Variants in KAT2B observed in about 807,000 individuals in gnomAD.
KAT2B encodes histone acetyltransferase KAT2B.
KAT2B carries 36 observed loss-of-function variants against 105.9 expected under a neutral mutation model. The ratio of observed to expected loss-of-function variants is 0.34; its 90% confidence interval spans 0.26 to 0.45. KAT2B has a LOEUF of 0.45. Among genes scored for constraint, KAT2B ranks in the 20% least tolerant of loss-of-function variants. The pLI is 1.00. For synonymous variants in KAT2B, 397 were observed against 377.9 expected, an observed-to-expected ratio of 1.05 and a Z score of -0.59; for missense variants, 820 against 1,021.6, an observed-to-expected ratio of 0.80 and a Z score of 2.69.
chr3:20,146,607 A>C, intron 14 of KAT2B, 177 bp downstream of exon 14: 1 of 487,178 alleles, frequency 2.1e-6, no homozygotes, highest in South Asian at 2.8e-5. Context: ...CCTACCACCC[A>C]ATACAAACAA....
intron 13 of KAT2B, among the ~76,000 whole-genome samples, chr3:20,142,262 C>T (rs1159982843): frequency 3.9e-5 from 6 of 152,140 alleles, no homozygotes; most frequent in Admixed American, 1.3e-4. Flanking sequence ...TTTCTCCTCT[C>T]CTCCCCCTCT....
intron 1 of KAT2B, among the ~76,000 whole-genome samples, chr3:20,056,638 A>C (rs1203134161): frequency 6.6e-6 from 1 of 152,196 alleles, no homozygotes; most frequent in African/African-American, 2.4e-5. Context: ...GGTCAAAGAG[A>C]AACTGGGACA....
chr3:20,119,806 A>G, intron 8 of KAT2B, 83 bp downstream of exon 8: 1 of 1,445,902 alleles, frequency 6.9e-7, no homozygotes, highest in Non-Finnish European at 9.5e-7. Flanking sequence ...GGTAGACTTG[A>G]ACCAAGTACA....
chr3:20,064,611 C>T (rs1698193680), intron 1 of KAT2B, among the ~76,000 whole-genome samples: 1 of 152,310 alleles, frequency 6.6e-6, no homozygotes. Context: ...CCTGCCTGGA[C>T]ACATTTTGTG....
At chr3:20,093,872 C>T (rs1050071455) in intron 2 of KAT2B, among the ~76,000 whole-genome samples, 1 of 152,006 alleles carries the variant, frequency 6.6e-6, no homozygotes, top group African/African-American at 2.4e-5. Flanking sequence ...TGATTCCAGC[C>T]CAGAGAAGTT....
chr3:20,058,453 C>CAAAAAAAAAAAAAAAA (rs35239760), intron 1 of KAT2B, among the ~76,000 whole-genome samples: 1 of 74,550 alleles, frequency 1.3e-5, no homozygotes. Context: ...GACTCTGTCT[C>CAAAAAAAAAAAAAAAA]AAAAAAAAAA....
chr3:20,045,359 A>T (rs946551041), intron 1 of KAT2B, among the ~76,000 whole-genome samples: 1 of 70,252 alleles, frequency 1.4e-5, no homozygotes, highest in Admixed American at 1.5e-4. Context: ...TTATTTATTT[A>T]TTTATTTTAG....
intron 4 of KAT2B, among the ~76,000 whole-genome samples, chr3:20,100,799 A>G (rs1308540374): frequency 1.3e-5 from 2 of 152,192 alleles, no homozygotes; most frequent in Non-Finnish European, 2.9e-5. Flanking sequence ...AAGCTTATTG[A>G]CTTCAAACAA....
At chr3:20,125,611 A>G (rs751031959) in intron 9 of KAT2B, among the ~76,000 whole-genome samples, 3 of 152,218 alleles carry the variant, frequency 2.0e-5, no homozygotes, top group Non-Finnish European at 4.4e-5. Context: ...AATATTTTCT[A>G]TCTGGCCCTT....
chr3:20,111,280 G>A (rs11923928), intron 5 of KAT2B, among the ~76,000 whole-genome samples: 29,355 of 152,152 alleles, frequency 0.19, 2,936 homozygotes, highest in South Asian at 0.23. Flanking sequence ...GCTAAATAGC[G>A]TAATCAAATT....
intron 3 of KAT2B, among the ~76,000 whole-genome samples, chr3:20,096,006 C>A (rs1180543991): frequency 6.6e-6 from 1 of 151,926 alleles, no homozygotes; most frequent in Non-Finnish European, 1.5e-5. Context: ...GGAAGAGACT[C>A]CGAGGCAGAG....
intron 2 of KAT2B, among the ~76,000 whole-genome samples, chr3:20,073,721 T>A (rs13080058): frequency 0.41 from 62,464 of 151,576 alleles, 13,109 homozygotes; most frequent in South Asian, 0.49. Context: ...TTTAAAAAAA[T>A]AAATAAATAA....
intron 2 of KAT2B, among the ~76,000 whole-genome samples, chr3:20,087,249 A>G (rs939431856): frequency 1.3e-5 from 2 of 152,192 alleles, no homozygotes; most frequent in Non-Finnish European, 2.9e-5. Context: ...GAGATGATGG[A>G]TATGCTAATT....
chr3:20,094,759 C>G (rs902524645), intron 2 of KAT2B, among the ~76,000 whole-genome samples: 1 of 152,094 alleles, frequency 6.6e-6, no homozygotes, highest in African/African-American at 2.4e-5. Flanking sequence ...AAGAAAAAGG[C>G]CTTCAGTCTT....
intron 2 of KAT2B, among the ~76,000 whole-genome samples, chr3:20,077,334 C>T (rs2125184429): frequency 6.6e-6 from 1 of 152,192 alleles, no homozygotes; most frequent in Middle Eastern, 3.4e-3. Flanking sequence ...CAGAGCAAAA[C>T]CCCACCTCTA....
chr3:20,114,492 C>G (rs1699172562), intron 6 of KAT2B, among the ~76,000 whole-genome samples: 2 of 151,902 alleles, frequency 1.3e-5, no homozygotes, highest in African/African-American at 4.8e-5. Context: ...GTTCTTAGAG[C>G]AGTGCAGGCA....
intron 1 of KAT2B, among the ~76,000 whole-genome samples, chr3:20,047,106 A>G (rs1318968625): frequency 6.8e-6 from 1 of 147,224 alleles, no homozygotes; most frequent in East Asian, 2.3e-4. Flanking sequence ...GGCTTTTTTG[A>G]GGCAGGGTCT....
At position 20,149,495 on chromosome 3, in the gene KAT2B, C is replaced by CAAAAAAAAAAAAAAAAAAAAAAAAAAA. The variant is rs56091316; in HGVS notation, c.2305+1033_2305+1034insAAAAAAAAAAAAAAAAAAAAAAAAAAA. 1.2e-3 allele frequency among the ~76,000 whole-genome samples: 51 copies of CAAAAAAAAAAAAAAAAAAAAAAAAAAA among 42,436 alleles called. 2 individuals are homozygous for CAAAAAAAAAAAAAAAAAAAAAAAAAAA. Among genetic ancestry groups the CAAAAAAAAAAAAAAAAAAAAAAAAAAA allele is most frequent in the East Asian group, 2.0e-3 (1 of 512 alleles). The allele number at this position is 42,436 out of a possible 152,430, so 27.8% of individuals were successfully genotyped here. Reference sequence around the variant, plus strand: ...TGGGCACTGGAGGGAGACCGTATCTCAAAAAAAAAAAAAAAAAAAAAAAAA... The same window carrying CAAAAAAAAAAAAAAAAAAAAAAAAAAA: ...TGGGCACTGGAGGGAGACCGTATCTCAAAAAAAAAAAAAAAAAAAAAAAAAAAAAAAAAAAAAAAAAAAAAAAAAAAA... On this transcript the variant is annotated intron_variant, in intron 17 of 17. Transcript: ENST00000263754.
At position 20,146,351 on chromosome 3, in the gene KAT2B, A is replaced by C. The variant is rs1473780027; in HGVS notation, c.2040A>C (p.Gln680His). ...IKKLIERKQAQIRKVYPGLSC... is the reference protein window; with the variant it reads ...IKKLIERKQAHIRKVYPGLSC... ...AACTGATTGAAAGAAAACAGGCACA[A>C]ATTCGAAAAGTTTACCCTGGACTTT... The change falls in exon 14 of 18, where the codon CAA becomes CAC. Residue 680 changes from glutamine to histidine, a missense_variant. Gln to His is a conservative substitution (Grantham distance 24, BLOSUM62 0). Transcript: ENST00000263754. 1 of 1,612,818 alleles carries C rather than the reference A, an allele frequency of 6.2e-7. No homozygotes were observed. The highest frequency in any genetic ancestry group is 8.5e-7 in the Non-Finnish European group (1 of 1,178,962).
Sources: gnomAD v4.1 joint callset for allele counts (sites outside exome capture counted in the v4.1 genomes callset) on GRCh38, gnomAD v4.1.1 for gene constraint, MANE v1.5 for transcripts, NCBI Gene and HGNC (gene_info 2026-07-23, HGNC 2026-07-21) for gene names.